The following HSPA14 variants were observed in gnomAD, a reference collection of about 807,000 sequenced individuals.
The protein encoded by HSPA14 is heat shock 70 kDa protein 14.
Under a neutral mutation model 65.5 loss-of-function variants are expected in HSPA14, and 37 were observed. The observed-to-expected ratio is 0.56, with a 90% CI of 0.43 to 0.74. The LOEUF is 0.74. Among genes scored for constraint, HSPA14 ranks in the 30% least tolerant of loss-of-function variants. HSPA14 has a pLI of 0.00. For synonymous variants in HSPA14, 203 were observed against 214.2 expected (o/e 0.95, Z 0.46); for missense variants, 564 against 607.6 (o/e 0.93, Z 0.75).
At position 14,848,628 on chromosome 10, in the gene HSPA14, C is replaced by A; in HGVS notation, c.241C>A (p.Gln81Lys). 1 of 1,611,438 alleles carries A rather than the reference C, an allele frequency of 6.2e-7. No individual in the cohort carries two copies. Among genetic ancestry groups the A allele is most frequent in the South Asian group, 1.1e-5 (1 of 90,746 alleles). Reference protein sequence around the residue: ...LGRSSSDPQAQKYIAESKCLV... With the variant: ...LGRSSSDPQAKKYIAESKCLV... ...GGACAGCTCCAGTGATCCACAAGCT[C>A]AGAAATACATCGCGGAAAGTAAATG... is the stretch of plus-strand genomic sequence containing the variant. The change falls in exon 4 of 14, where the codon CAG becomes AAG. Residue 81 changes from glutamine (Q) to lysine (K), a missense_variant. Coordinates refer to ENST00000378372, the MANE Select transcript of HSPA14 (RefSeq NM_016299.4).
At chr10:14,850,637 T>C (rs1431064571) in intron 6 of HSPA14, 1 of 152,272 alleles carries the variant, frequency 6.6e-6, no homozygotes, top group Non-Finnish European at 1.5e-5. Context: ...AACACTAGAT[T>C]AAAGAAATTG....
At chr10:14,840,342 T>C (rs1209320838) in intron 3 of HSPA14, among the ~76,000 whole-genome samples, 185 bp downstream of exon 3, 1 of 152,206 alleles carries the variant, frequency 6.6e-6, no homozygotes, top group Non-Finnish European at 1.5e-5. Context: ...TCTTCTCTGA[T>C]ATGGGATTCA....
chr10:14,860,898 G>A (rs1360032120), intron 10 of HSPA14, among the ~76,000 whole-genome samples: 2 of 152,152 alleles, frequency 1.3e-5, no homozygotes, highest in Non-Finnish European at 2.9e-5. Context: ...CCCAGGATGG[G>A]ATCTTGGGAC....
At chr10:14,844,760 TC>T in intron 3 of HSPA14, 2 of 977,500 alleles carry the variant, frequency 2.0e-6, no homozygotes, top group Non-Finnish European at 2.4e-6. Flanking sequence ...ATTATTTGGG[TC>T]CCTTTATATG....
chr10:14,867,326 T>C, intron 11 of HSPA14, 31 bp downstream of exon 11: 1 of 1,440,338 alleles, frequency 6.9e-7, no homozygotes. Flanking sequence ...CTAGTTAAGG[T>C]ATGTTTAGCT....
chr10:14,862,001 A>T (rs1265004247), intron 10 of HSPA14, among the ~76,000 whole-genome samples: 3 of 147,502 alleles, frequency 2.0e-5, no homozygotes, highest in Non-Finnish European at 3.0e-5. Context: ...ACAGAGTGAG[A>T]CTCTGTCTCA....
In HSPA14 at chr10:14,842,656, C is replaced by G. The variant is rs533726602; in HGVS notation, c.221+2499C>G. The G allele has an allele frequency of 1.2e-5, 19 of 1,536,218 alleles. No individual in the cohort carries two copies. The African/African-American group carries it at 2.2e-4, about 18-fold the overall frequency. ...CTTGGGCCAAGCACTGTGATCAGAA[C>G]TTAGTGGCCTCTGACGCCCCAGGGG... On this transcript the variant is annotated intron_variant, in intron 3 of 13. Transcript: ENST00000378372. This position sits in a 1 kb window ranked among gnomAD's most constrained non-coding sequence, Gnocchi z 5.2.
At chr10:14,864,187 C>T (rs151206116) in intron 10 of HSPA14, among the ~76,000 whole-genome samples, 208 of 149,418 alleles carry the variant, frequency 1.4e-3, no homozygotes, top group Middle Eastern at 6.9e-3. Context: ...TATGACTGTA[C>T]CACTGCAACT....
chr10:14,845,161 C>T (rs964541959), intron 3 of HSPA14: 1 of 985,300 alleles, frequency 1.0e-6, no homozygotes. Context: ...GGTGATAAGC[C>T]ACACTTCCGA....
rs1414421699 is a variant in HSPA14 at position 14,843,560 on chromosome 10, G to A, written c.221+3403G>A. 18 of 1,550,580 alleles carry A rather than the reference G, an allele frequency of 1.2e-5. No individual in the cohort carries two copies. The South Asian group carries it at 1.9e-4, about 16-fold the overall frequency. On this transcript the variant is annotated intron_variant, in intron 3 of 13. Coordinates refer to ENST00000378372, the MANE Select transcript of HSPA14 (RefSeq NM_016299.4). ...ACTCCAGTCTCCTCTTCGAGAGCTG[G>A]TTTTGTTTCTGGTGGGGATAGGCCC...
Position 14,838,368 on chromosome 10 carries a change from C to T in HSPA14, c.-35C>T, listed in dbSNP as rs778884073. 3.2e-6 allele frequency: 5 copies of T among 1,578,308 alleles called. No homozygotes were observed. Among genetic ancestry groups the T allele is most frequent in the East Asian group, 2.3e-5 (1 of 43,652 alleles). On this transcript the variant is annotated 5_prime_UTR_variant, in exon 1 of 14. Transcript: ENST00000378372. Reference sequence around the variant, plus strand: ...CCGGTAGCTGTTGCTGTTGGGGGACCCCCTCATTCCTGCCGCTGCCGTCCC... The same window carrying T: ...CCGGTAGCTGTTGCTGTTGGGGGACTCCCTCATTCCTGCCGCTGCCGTCCC...
intron 12 of HSPA14, among the ~76,000 whole-genome samples, chr10:14,870,250 C>T (rs1450293858): frequency 6.6e-6 from 1 of 151,252 alleles, no homozygotes; most frequent in Non-Finnish European, 1.5e-5. Context: ...TTATAATTTG[C>T]GTGTTACTGG....
Position 14,845,587 on chromosome 10 carries a change from CTAT to C in HSPA14, c.222-3011_222-3009del, listed in dbSNP as rs914305362. 2.2e-5 allele frequency: 20 copies of C among 928,362 alleles called. No individual in the cohort carries two copies. The African/African-American group carries it at 2.5e-4, about 12-fold the overall frequency. The allele number at this position is 928,362 out of a possible 1,614,324, so 57.5% of individuals were successfully genotyped here. The stretch of plus-strand genomic sequence containing the variant: ...CATCAGACAAATCACTTGCCCTTTT[CTAT>C]TATTATTATTTTTTTTTTTTTGAGA... On this transcript the variant is annotated intron_variant, in intron 3 of 13. Coordinates refer to ENST00000378372, the MANE Select transcript of HSPA14 (RefSeq NM_016299.4).
rs1219344992 is a variant in HSPA14 at position 14,842,211 on chromosome 10, C to A, written c.221+2054C>A. On this transcript the variant is annotated intron_variant, in intron 3 of 13. Coordinates refer to ENST00000378372, the MANE Select transcript of HSPA14 (RefSeq NM_016299.4). The surrounding 1 kb of genome is among the most constrained non-coding windows in gnomAD (Gnocchi z 5.2). ...AGATCCTGGAGATATCCTGAGAGCA[C>A]ACAGAGCTTCCCCACACCTTCAGAC... 1 of 1,535,370 alleles carries A rather than the reference C, an allele frequency of 6.5e-7. No individual in the cohort carries two copies. Among genetic ancestry groups the A allele is most frequent in the Non-Finnish European group, 8.7e-7 (1 of 1,146,888 alleles).
chr10:14,846,000 T>C (rs1316671286), intron 3 of HSPA14: 6 of 934,770 alleles, frequency 6.4e-6, no homozygotes, highest in Non-Finnish European at 7.7e-6. Context: ...ATTGTAATAT[T>C]TTCTGTCACA....
rs554411503 is a variant in HSPA14, at chr10:14,844,554, T to C, written c.222-4055T>C. On this transcript the variant is annotated intron_variant, in intron 3 of 13. Transcript: ENST00000378372. ...TTTCCACTGCTGTGTATCTGACATA[T>C]CTACTAGTAAGCACTGTTTTGTCAA... 108 of 986,206 alleles carry C rather than the reference T, an allele frequency of 1.1e-4. 1 individual carries two copies. Among genetic ancestry groups the C allele is most frequent in the Middle Eastern group, 5.2e-4 (1 of 1,916 alleles). 61.1% of individuals were successfully genotyped at this position (986,206 alleles called of 1,614,324 possible).
intron 3 of HSPA14, among the ~76,000 whole-genome samples, chr10:14,848,378 T>C (rs191842087): frequency 1.4e-3 from 208 of 152,356 alleles, no homozygotes; most frequent in Admixed American, 2.2e-3. Flanking sequence ...AGAAAGCTAT[T>C]TATTTTCAAA....
chr10:14,865,899 C>T (rs189985860), intron 10 of HSPA14, among the ~76,000 whole-genome samples: 12 of 152,182 alleles, frequency 7.9e-5, no homozygotes, highest in African/African-American at 2.9e-4. Flanking sequence ...TATAAATTAC[C>T]CTGGGCAGTA....
rs532913997 is a variant in HSPA14, at chr10:14,867,077, C to G, written c.994-6C>G. On this transcript the variant is annotated splice_polypyrimidine_tract_variant and splice_region_variant and intron_variant, in intron 10 of 13. Coordinates refer to ENST00000378372, the MANE Select transcript of HSPA14 (RefSeq NM_016299.4). ...TAAACAACTGAAAATTATTTTTATTCTCTAGGTTGTCCTTTGTGGAGGGTC... is the reference window on the plus strand; with the variant it reads ...TAAACAACTGAAAATTATTTTTATTGTCTAGGTTGTCCTTTGTGGAGGGTC... 6.2e-6 allele frequency: 10 copies of G among 1,600,054 alleles called. No homozygotes were observed. The highest frequency in any genetic ancestry group is 4.0e-5 in the African/African-American group (3 of 74,648).
Sources: gnomAD v4.1 joint callset for allele counts (sites outside exome capture counted in the v4.1 genomes callset) on GRCh38, gnomAD v4.1.1 for gene constraint, Gnocchi (gnomAD v3.1) non-coding constraint, MANE v1.5 for transcripts, NCBI Gene and HGNC (gene_info 2026-07-23, HGNC 2026-07-21) for gene names.